The following KCNJ3 variants were observed in gnomAD, a reference collection of about 807,000 sequenced individuals.
KCNJ3 encodes G protein-activated inward rectifier potassium channel 1.
Under a neutral mutation model 39.2 loss-of-function variants are expected in KCNJ3, and 4 were observed. The ratio of observed to expected loss-of-function variants is 0.10; its 90% confidence interval spans 0.05 to 0.23. The LOEUF (loss-of-function observed/expected upper bound fraction) is 0.23. Among genes scored for constraint, KCNJ3 ranks in the 10% least tolerant of loss-of-function variants. The probability of loss-of-function intolerance (pLI) is 1.00; values close to 1 mark genes in which losing one functional copy is unlikely to be tolerated. For missense variants in KCNJ3, 276 were observed against 634.9 expected, an observed-to-expected ratio of 0.43 and a Z score of 6.08; for synonymous variants, 230 against 237.4, an observed-to-expected ratio of 0.97 and a Z score of 0.29.
chr2:154,773,737 G>A (rs972542171), intron 2 of KCNJ3, among the ~76,000 whole-genome samples: 2 of 151,964 alleles, frequency 1.3e-5, no homozygotes, highest in African/African-American at 4.8e-5. Flanking sequence ...AGTTTTGAAG[G>A]GTTATTAAAT....
chr2:154,767,902 C>T (rs375114589), intron 2 of KCNJ3, among the ~76,000 whole-genome samples: 13 of 152,148 alleles, frequency 8.5e-5, no homozygotes, highest in South Asian at 6.2e-4. Context: ...GATGGTATCT[C>T]ATTGTGGTTT....
chr2:154,773,828 T>A (rs1421593033), intron 2 of KCNJ3, among the ~76,000 whole-genome samples: 1 of 152,168 alleles, frequency 6.6e-6, no homozygotes, highest in Admixed American at 6.5e-5. Flanking sequence ...GTAGTCATTA[T>A]GAGATGTTAA....
intron 2 of KCNJ3, among the ~76,000 whole-genome samples, chr2:154,839,819 T>A (rs1322878914): frequency 1.3e-5 from 2 of 152,190 alleles, no homozygotes; most frequent in African/African-American, 4.8e-5. Context: ...GAGTTCTTTG[T>A]AGATTCCGGA....
intron 2 of KCNJ3, among the ~76,000 whole-genome samples, chr2:154,777,768 T>C (rs1394298114): frequency 6.6e-6 from 1 of 152,224 alleles, no homozygotes; most frequent in Non-Finnish European, 1.5e-5. Flanking sequence ...ATAAACCTAC[T>C]GAATTTTTCA....
chr2:154,745,474 C>G (rs1310141338), intron 2 of KCNJ3, among the ~76,000 whole-genome samples: 1 of 151,898 alleles, frequency 6.6e-6, no homozygotes, highest in Non-Finnish European at 1.5e-5. Flanking sequence ...ATTTAATATA[C>G]TTCTCTGTCC....
chr2:154,800,653 T>C (rs997091314), intron 2 of KCNJ3, among the ~76,000 whole-genome samples: 2 of 152,224 alleles, frequency 1.3e-5, no homozygotes, highest in African/African-American at 2.4e-5. Context: ...CTCTTTATAC[T>C]ATCTTGTTCA....
chr2:154,813,993 G>T (rs115219908), intron 2 of KCNJ3, among the ~76,000 whole-genome samples: 4 of 152,142 alleles, frequency 2.6e-5, no homozygotes, highest in African/African-American at 9.7e-5. Context: ...TCAACCAGTT[G>T]TGTGGTCCAC....
chr2:154,824,602 A>G (rs1455285022), intron 2 of KCNJ3, among the ~76,000 whole-genome samples: 1 of 152,196 alleles, frequency 6.6e-6, no homozygotes, highest in East Asian at 1.9e-4. Context: ...TGAGTAATCT[A>G]TAAAAAACTT....
chr2:154,795,189 T>C (rs1236190982), intron 2 of KCNJ3, among the ~76,000 whole-genome samples: 1 of 152,052 alleles, frequency 6.6e-6, no homozygotes, highest in Non-Finnish European at 1.5e-5. Context: ...AATTTCTTTT[T>C]ATTTTCTATA....
At chr2:154,766,915 G>A (rs1686146035) in intron 2 of KCNJ3, among the ~76,000 whole-genome samples, 1 of 152,064 alleles carries the variant, frequency 6.6e-6, no homozygotes, top group African/African-American at 2.4e-5. Flanking sequence ...GTAATGCTGA[G>A]TAGATGTTAG....
intron 2 of KCNJ3, among the ~76,000 whole-genome samples, chr2:154,754,515 T>C (rs983492691): frequency 1.3e-5 from 2 of 152,196 alleles, no homozygotes; most frequent in African/African-American, 2.4e-5. Flanking sequence ...CCTCCGGCAA[T>C]CCACCCGCCT....
intron 2 of KCNJ3, among the ~76,000 whole-genome samples, chr2:154,729,151 C>CTT (rs1685410621): frequency 6.6e-6 from 1 of 151,906 alleles, no homozygotes; most frequent in African/African-American, 2.4e-5. Context: ...ACAAGAAAAC[C>CTT]TTTTTAGTGA....
In KCNJ3 at chr2:154,855,788, CATACATACAT is replaced by C. The variant is rs1320136901; in HGVS notation, c.*477_*486del. The C allele has an allele frequency of 6.6e-6, 1 of 151,786 alleles. No homozygotes were observed. The highest frequency in any genetic ancestry group is 1.5e-5 in the Non-Finnish European group (1 of 67,728). 9.4% of individuals were successfully genotyped at this position (151,786 alleles called of 1,614,324 possible). Reference sequence around the variant, plus strand: ...ACATATATATATACACATACATACACATACATACATACATACATATATATCTGATAAAATT... The same window carrying C: ...ACATATATATATACACATACATACACACATACATATATATCTGATAAAATT... On this transcript the variant is annotated 3_prime_UTR_variant, in exon 3 of 3. Transcript: ENST00000295101.
intron 2 of KCNJ3, among the ~76,000 whole-genome samples, chr2:154,825,681 A>G (rs908102388): frequency 1.3e-5 from 2 of 151,670 alleles, no homozygotes; most frequent in African/African-American, 4.8e-5. Flanking sequence ...ACTTAAAGTG[A>G]TCTTCCCACC....
In KCNJ3 at chr2:154,753,409, T is replaced by A. The variant is rs138658040; in HGVS notation, c.919+43590T>A. Among the ~76,000 whole-genome samples the A allele has an allele frequency of 1.9e-3, 284 of 152,278 alleles. 1 individual carries two copies. Among genetic ancestry groups the A allele is most frequent in the African/African-American group, 6.3e-3 (261 of 41,588 alleles). ...CCTTTGTTATTTCTTTATTTATTGTTGCCTTTATGCACGTTCAAGATTGTA... is the reference window on the plus strand; with the variant it reads ...CCTTTGTTATTTCTTTATTTATTGTAGCCTTTATGCACGTTCAAGATTGTA... On this transcript the variant is annotated intron_variant, in intron 2 of 2. Transcript: ENST00000295101.
At chr2:154,724,934 T>TATATATATATATATAG (rs1685327352) in intron 2 of KCNJ3, among the ~76,000 whole-genome samples, 1 of 147,288 alleles carries the variant, frequency 6.8e-6, no homozygotes, top group African/African-American at 2.5e-5. Flanking sequence ...TATATATATA[T>TATATATATATATATAG]ATACCTTTGA....
At chr2:154,737,041 T>C (rs1685560843) in intron 2 of KCNJ3, among the ~76,000 whole-genome samples, 1 of 152,024 alleles carries the variant, frequency 6.6e-6, no homozygotes, top group Non-Finnish European at 1.5e-5. Context: ...TCTACAAAGA[T>C]CTATAGTCTT....
chr2:154,703,468 C>G (rs1684946075), intron 1 of KCNJ3, among the ~76,000 whole-genome samples: 1 of 136,266 alleles, frequency 7.3e-6, no homozygotes, highest in South Asian at 2.5e-4. Context: ...CTTCTTTTAT[C>G]CTCCATATAT....
intron 2 of KCNJ3, among the ~76,000 whole-genome samples, chr2:154,721,133 T>C (rs963137313): frequency 6.6e-6 from 1 of 152,124 alleles, no homozygotes; most frequent in Non-Finnish European, 1.5e-5. Context: ...ATATGATTTA[T>C]TCTATTCATT....
Sources: gnomAD v4.1 joint callset for allele counts (sites outside exome capture counted in the v4.1 genomes callset) on GRCh38, gnomAD v4.1.1 for gene constraint, MANE v1.5 for transcripts, NCBI Gene and HGNC (gene_info 2026-07-23, HGNC 2026-07-21) for gene names.